The following HDAC9 variants were observed in gnomAD, a reference collection of about 807,000 sequenced individuals.
The protein encoded by HDAC9 is histone deacetylase 9.
HDAC9 carries 41 observed loss-of-function variants against 139.4 expected under a neutral mutation model. The ratio of observed to expected loss-of-function variants is 0.29; its 90% confidence interval spans 0.23 to 0.38. The LOEUF (loss-of-function observed/expected upper bound fraction) is 0.38, where lower values mean the gene tolerates loss of function less well. Ranked by LOEUF, HDAC9 falls within the 10% of genes least tolerant of loss-of-function variation. The pLI is 1.00. For missense variants in HDAC9, 1,147 were observed against 1,297.0 expected (o/e 0.88, Z 1.78); for synonymous variants, 517 against 476.2 (o/e 1.09, Z -1.12).
At chr7:18,288,372 A>T (rs1299532845), upstream of HDAC9, among the ~76,000 whole-genome samples, 3 of 152,092 alleles carry the variant, frequency 2.0e-5, no homozygotes, top group African/African-American at 7.2e-5. Context: ...TTTTCCTTTT[A>T]TCACTTGCCT....
At chr7:18,454,930 C>T (rs1204349058) in intron 1 of HDAC9, among the ~76,000 whole-genome samples, 1 of 151,970 alleles carries the variant, frequency 6.6e-6, no homozygotes, top group Non-Finnish European at 1.5e-5. Context: ...CTTTGTCTTA[C>T]CTAAAAATGG....
chr7:18,974,101 C>A (rs567205747), intron 24 of HDAC9, among the ~76,000 whole-genome samples: 1 of 152,288 alleles, frequency 6.6e-6, no homozygotes, highest in South Asian at 2.1e-4. Context: ...AGTTGACGGT[C>A]ACCCAGTAAA....
At chr7:18,543,078 G>T (rs1049758971) in intron 2 of HDAC9, 1 of 152,056 alleles carries the variant, frequency 6.6e-6, no homozygotes, top group Admixed American at 6.5e-5. Context: ...AAATATTTAA[G>T]TGTGCATTAT....
intron 24 of HDAC9, among the ~76,000 whole-genome samples, chr7:18,973,125 A>T (rs1210594011): frequency 1.4e-4 from 22 of 152,232 alleles, no homozygotes; most frequent in East Asian, 5.8e-4. Flanking sequence ...ACACTACCAG[A>T]CATTGCCTAA....
chr7:18,683,375 C>T (rs1045870908), intron 12 of HDAC9, among the ~76,000 whole-genome samples: 1 of 152,002 alleles, frequency 6.6e-6, no homozygotes, highest in Admixed American at 6.6e-5. Context: ...TCAAGATCTT[C>T]CAGCTTCTAA....
At chr7:18,176,995 A>G (rs972497229) in intron 2 of HDAC9, among the ~76,000 whole-genome samples, 3 of 152,244 alleles carry the variant, frequency 2.0e-5, no homozygotes, top group Non-Finnish European at 2.9e-5. Flanking sequence ...TGAGTTAGGT[A>G]ATGTACACTA....
chr7:18,521,564 A>G (rs1478216510), intron 2 of HDAC9, among the ~76,000 whole-genome samples: 1 of 152,200 alleles, frequency 6.6e-6, no homozygotes, highest in Non-Finnish European at 1.5e-5. Flanking sequence ...CTATTTTTTC[A>G]CCATTAATAT....
At chr7:18,917,920 G>A (rs770557829) in intron 22 of HDAC9, among the ~76,000 whole-genome samples, 4 of 151,924 alleles carry the variant, frequency 2.6e-5, no homozygotes, top group Non-Finnish European at 5.9e-5. Flanking sequence ...TTACCAAACT[G>A]AGCAGTTTAA....
intron 17 of HDAC9, among the ~76,000 whole-genome samples, chr7:18,822,775 T>C (rs1666597159): frequency 6.6e-6 from 1 of 152,250 alleles, no homozygotes; most frequent in Non-Finnish European, 1.5e-5. Context: ...ACTTGCTAGA[T>C]ATGAACTTTA....
chr7:18,417,669 A>T (rs1789210017), intron 1 of HDAC9, among the ~76,000 whole-genome samples: 1 of 152,124 alleles, frequency 6.6e-6, no homozygotes. Context: ...ACACTTCTGG[A>T]TACTCTACTG....
At chr7:18,967,808 A>G (rs1783975213) in intron 24 of HDAC9, among the ~76,000 whole-genome samples, 1 of 152,196 alleles carries the variant, frequency 6.6e-6, no homozygotes, top group African/African-American at 2.4e-5. Context: ...TTACATAAAC[A>G]TAGAGTAAAT....
chr7:18,352,007 A>C (rs912919835), intron 1 of HDAC9, among the ~76,000 whole-genome samples: 2 of 152,226 alleles, frequency 1.3e-5, no homozygotes, highest in Non-Finnish European at 2.9e-5. Flanking sequence ...GGAGAACAAA[A>C]GCTCAAGAAG....
At chr7:18,990,907 G>A (rs181435299) in intron 25 of HDAC9, among the ~76,000 whole-genome samples, 3 of 152,326 alleles carry the variant, frequency 2.0e-5, no homozygotes, top group East Asian at 3.9e-4. Flanking sequence ...TTGGGCTCGC[G>A]CATGGAGCGC....
intron 1 of HDAC9, among the ~76,000 whole-genome samples, chr7:18,297,577 A>G (rs1238378537): frequency 1.3e-5 from 2 of 152,214 alleles, no homozygotes; most frequent in African/African-American, 2.4e-5. Flanking sequence ...AACATGTTAA[A>G]TGTTTGAATG....
At chr7:18,089,385 A>G (rs1422005758) in intron 1 of HDAC9, among the ~76,000 whole-genome samples, 6 of 152,188 alleles carry the variant, frequency 3.9e-5, no homozygotes, top group Non-Finnish European at 8.8e-5. Flanking sequence ...AATTTTATAC[A>G]TGCTTATAGA....
At chr7:18,233,723 C>T (rs1352658920) in intron 2 of HDAC9, among the ~76,000 whole-genome samples, 1 of 152,128 alleles carries the variant, frequency 6.6e-6, no homozygotes, top group Non-Finnish European at 1.5e-5. Context: ...TTTCTTGACC[C>T]TCTTTCCTTG....
intron 16 of HDAC9, among the ~76,000 whole-genome samples, chr7:18,780,594 T>A (rs1791166170): frequency 6.6e-6 from 1 of 152,044 alleles, no homozygotes; most frequent in Admixed American, 6.6e-5. Flanking sequence ...CTATACCTGG[T>A]GCAGACTGAA....
chr7:18,778,348 A>T (rs1046941206), intron 16 of HDAC9, among the ~76,000 whole-genome samples: 3 of 152,028 alleles, frequency 2.0e-5, no homozygotes, highest in Non-Finnish European at 2.9e-5. Context: ...TAGAACACTG[A>T]AAAGTCTCTG....
Position 18,644,720 on chromosome 7 carries a change from T to C in HDAC9, c.962T>C (p.Leu321Pro). 1 of 1,612,152 alleles carries C rather than the reference T, an allele frequency of 6.2e-7. No homozygotes were observed. The highest frequency in any genetic ancestry group is 1.1e-5 in the South Asian group (1 of 90,944). ...CTAATTCATGAAGATTCCATGAACC[T>C]GCTAAGTCTTTATACCTCTCCTTCT... Reference protein sequence around the residue: ...RILIHEDSMNLLSLYTSPSLP... With the variant: ...RILIHEDSMNPLSLYTSPSLP... Residue 321 changes from leucine to proline, a missense_variant, in exon 9 of 26, where the codon CTG (leucine) becomes CCG (proline). Coordinates refer to ENST00000686413, the MANE Select transcript of HDAC9 (RefSeq NM_178425.4).
Sources: allele counts gnomAD v4.1 joint callset (sites outside exome capture counted in the v4.1 genomes callset), GRCh38; gene constraint gnomAD v4.1.1; transcripts MANE v1.5; gene names NCBI Gene and HGNC (gene_info 2026-07-23, HGNC 2026-07-21).